CFAP161: variants seen among roughly 807,000 people sequenced by gnomAD.
The protein encoded by CFAP161 is cilia and flagella associated protein 161, also known as cilia- and flagella-associated protein 161.
In CFAP161, 25 loss-of-function variants were observed where a neutral mutation model predicts 29.0. That is an observed-to-expected ratio of 0.86 (90% CI 0.63 to 1.20). The LOEUF is 1.20. Ranked by LOEUF, CFAP161 falls within the 50% of genes most tolerant of loss-of-function variation. The pLI is 0.00. For synonymous variants in CFAP161, 116 were observed against 137.4 expected (o/e 0.84, Z 1.09); for missense variants, 367 against 371.9 (o/e 0.99, Z 0.11).
intron 1 of CFAP161, among the ~76,000 whole-genome samples, chr15:81,134,668 C>T (rs555834108): frequency 6.6e-6 from 1 of 152,230 alleles, no homozygotes; most frequent in Non-Finnish European, 1.5e-5. Context: ...ACTCTCAAGC[C>T]CCTGGCCTGT....
chr15:81,109,615 G>A (rs778268212), intron 1 of CFAP161, among the ~76,000 whole-genome samples: 5 of 152,116 alleles, frequency 3.3e-5, no homozygotes, highest in Non-Finnish European at 7.3e-5. Context: ...GAGGCAGGAG[G>A]ATCACTGGAG....
At chr15:81,136,293 A>G (rs1370051482) in intron 2 of CFAP161, among the ~76,000 whole-genome samples, 2 of 152,226 alleles carry the variant, frequency 1.3e-5, no homozygotes, top group Non-Finnish European at 2.9e-5. Context: ...ATAATGAGTA[A>G]ATCCATGTGA....
At chr15:81,140,029 T>C (rs1043562604) in intron 4 of CFAP161, among the ~76,000 whole-genome samples, 3 of 152,144 alleles carry the variant, frequency 2.0e-5, no homozygotes, top group African/African-American at 7.2e-5. Context: ...TTCCCTTATC[T>C]CTTCCTTTCT....
upstream of CFAP161, among the ~76,000 whole-genome samples, chr15:81,133,894 TTGCTGC>T (rs67632824): frequency 0.54 from 80,841 of 149,668 alleles, 23,349 homozygotes; most frequent in Non-Finnish European, 0.67. Context: ...TAGGGCGAAA[TTGCTGC>T]TGCTGCTGCT....
At chr15:81,143,637 T>C in intron 4 of CFAP161, 25 bp from the exon 5 acceptor site, 1 of 1,602,792 alleles carries the variant, frequency 6.2e-7, no homozygotes, top group Non-Finnish European at 8.5e-7. Flanking sequence ...TCTGACTTAG[T>C]GCATCTGCTT....
At chr15:81,121,669 CT>C (rs1399996886) in intron 1 of CFAP161, among the ~76,000 whole-genome samples, 2 of 152,088 alleles carry the variant, frequency 1.3e-5, no homozygotes, top group African/African-American at 4.8e-5. Flanking sequence ...GAGATCAGAA[CT>C]ATTTTATAAG....
At chr15:81,136,780 A>G (rs1185372880) in intron 3 of CFAP161, 32 bp downstream of exon 3, 2 of 1,551,838 alleles carry the variant, frequency 1.3e-6, no homozygotes, top group Non-Finnish European at 8.9e-7. Flanking sequence ...GTTCATTTTC[A>G]TCATAAATAT....
intron 3 of CFAP161, among the ~76,000 whole-genome samples, chr15:81,137,593 G>A (rs1757742955): frequency 1.3e-5 from 2 of 152,216 alleles, no homozygotes; most frequent in South Asian, 4.2e-4. Flanking sequence ...AGAATATATA[G>A]ACAGTTCTTC....
upstream of CFAP161, among the ~76,000 whole-genome samples, chr15:81,130,654 C>A (rs575338193): frequency 6.6e-6 from 1 of 152,252 alleles, no homozygotes; most frequent in African/African-American, 2.4e-5. Context: ...GAGCCAAGAT[C>A]GTGCCACTGC....
Position 81,134,393 on chromosome 15 carries a change from G to C in CFAP161, c.64G>C (p.Glu22Gln). 3 of 1,583,222 alleles carry C rather than the reference G, an allele frequency of 1.9e-6. No individual in the cohort carries two copies. Among genetic ancestry groups the C allele is most frequent in the Non-Finnish European group, 2.6e-6 (3 of 1,165,362 alleles). ...IGNWNEDVYL[E>Q]EELMKDFLEK... ...CAACTGGAATGAGGATGTCTACCTG[G>C]AGGAGGTACGCAGGGTGTGGCCAGG... Residue 22 changes from glutamate to glutamine, a missense_variant, in exon 1 of 7, where the codon GAG (glutamate) becomes CAG (glutamine). Physicochemically the swap from Glu to Gln is conservative, Grantham distance 29. Transcript: ENST00000286732.
In CFAP161 at chr15:81,128,685, C is replaced by T. The variant is rs189598338; in HGVS notation, c.-7+961C>T. On this transcript the variant is annotated intron_variant, in intron 2 of 4. Coordinates refer to the CFAP161 transcript ENST00000560091. ...CTCTCATTAATGTTGATATTTTGAC[C>T]TCCTCCCATGAATCACAAATGTTCT... Among the ~76,000 whole-genome samples, 21 of 152,148 alleles carry T rather than the reference C, an allele frequency of 1.4e-4. No individual in the cohort carries two copies. The East Asian group carries it at 4.1e-3, about 29-fold the overall frequency.
At chr15:81,133,228 T>TA (rs1567156511), upstream of CFAP161, among the ~76,000 whole-genome samples, 206 of 54,700 alleles carry the variant, frequency 3.8e-3, 14 homozygotes, top group Non-Finnish European at 5.8e-3. Flanking sequence ...TATATATGTA[T>TA]TTTTTTTTAA....
In CFAP161 at chr15:81,135,329, T is replaced by C. The variant is rs768543391; in HGVS notation, c.129T>C (p.Ser43=). The C allele has an allele frequency of 1.9e-6, 3 of 1,598,576 alleles. No individual in the cohort carries two copies. Among genetic ancestry groups the C allele is most frequent in the Non-Finnish European group, 2.6e-6 (3 of 1,176,026 alleles). ...RDKGKLLIQR[S]RRLKQNLLRP... ...AGGGGAAACTTCTCATACAGAGAAG[T>C]AGAAGACTAAAACAGAATCTCTTGA... Residue 43 remains serine, a synonymous_variant, in exon 2 of 7, where the codon AGT becomes AGC. Transcript: ENST00000286732.
intron 1 of CFAP161, chr15:81,118,157 G>T: frequency 2.0e-6 from 1 of 495,064 alleles, no homozygotes; most frequent in Non-Finnish European, 3.7e-6. Flanking sequence ...GACATATTCA[G>T]ACCTCCAAAG....
intron 3 of CFAP161, 41 bp downstream of exon 3, chr15:81,136,789 A>T: frequency 6.5e-7 from 1 of 1,528,800 alleles, no homozygotes. Flanking sequence ...CATCATAAAT[A>T]TGTTTCACTT....
chr15:81,110,887 T>C (rs907843514), intron 1 of CFAP161, among the ~76,000 whole-genome samples: 1 of 152,176 alleles, frequency 6.6e-6, no homozygotes, highest in African/African-American at 2.4e-5. Flanking sequence ...GTTGGTGTGA[T>C]ATTCTTTCCC....
At chr15:81,128,075 T>G (rs1894663074) in intron 2 of CFAP161, among the ~76,000 whole-genome samples, 1 of 152,190 alleles carries the variant, frequency 6.6e-6, no homozygotes, top group South Asian at 2.1e-4. Context: ...TAGAAGTATT[T>G]TTTGTATAAG....
chr15:81,117,535 C>A, intron 1 of CFAP161: 3 of 154,350 alleles, frequency 1.9e-5, no homozygotes, highest in Non-Finnish European at 4.3e-5. Flanking sequence ...GGGTTTGTAT[C>A]ACAGCTACTT....
In CFAP161 at chr15:81,147,912, C is replaced by T. The variant is rs773697147; in HGVS notation, c.691C>T (p.His231Tyr). ...HCHTNRGLAAHRHLFLSTYFG... is the reference protein window; with the variant it reads ...HCHTNRGLAAYRHLFLSTYFG... ...TCACACAAATCGGGGACTGGCAGCCCACCGGCATCTTTTCTTAAGGTATTG... is the reference window on the plus strand; with the variant it reads ...TCACACAAATCGGGGACTGGCAGCCTACCGGCATCTTTTCTTAAGGTATTG... Residue 231 changes from histidine to tyrosine, a missense_variant, in exon 6 of 7, where the codon CAC becomes TAC. Physicochemically the swap from His to Tyr is moderately conservative, Grantham distance 83. Transcript: ENST00000286732. 3.7e-6 allele frequency: 6 copies of T among 1,610,916 alleles called. No homozygotes were observed. The highest frequency in any genetic ancestry group is 1.7e-5 in the Admixed American group (1 of 59,632).
Sources: gnomAD v4.1 joint callset for allele counts (sites outside exome capture counted in the v4.1 genomes callset) on GRCh38, gnomAD v4.1.1 for gene constraint, MANE v1.5 for transcripts, NCBI Gene and HGNC (gene_info 2026-07-23, HGNC 2026-07-21) for gene names.